DZANK1: variants seen among roughly 807,000 people sequenced by gnomAD.
The protein encoded by DZANK1 is double zinc ribbon and ankyrin repeat-containing protein 1.
In DZANK1, 91 loss-of-function variants were observed where a neutral mutation model predicts 94.5. The observed-to-expected ratio is 0.96, with a 90% CI of 0.81 to 1.15. DZANK1 has a LOEUF of 1.15. DZANK1 is among the 50% of genes most tolerant of loss of function. The pLI, the probability that DZANK1 is intolerant of heterozygous loss-of-function variation, is 0.00. For missense variants in DZANK1, 903 were observed against 916.4 expected, an observed-to-expected ratio of 0.99 and a Z score of 0.19; for synonymous variants, 312 against 325.3, an observed-to-expected ratio of 0.96 and a Z score of 0.44.
intron 8 of DZANK1, among the ~76,000 whole-genome samples, chr20:18,439,852 C>A (rs1456218260): frequency 6.6e-6 from 1 of 152,166 alleles, no homozygotes; most frequent in Non-Finnish European, 1.5e-5. Context: ...TCTGTATTCC[C>A]TGCTCCACAT....
intron 10 of DZANK1, chr20:18,420,345 AG>A: frequency 5.8e-6 from 1 of 172,418 alleles, no homozygotes; most frequent in Admixed American, 5.8e-5. Flanking sequence ...CAGGGTGGGT[AG>A]GGAGCATCCT....
chr20:18,464,436 C>T (rs545295240), intron 2 of DZANK1, among the ~76,000 whole-genome samples: 1 of 152,256 alleles, frequency 6.6e-6, no homozygotes, highest in Non-Finnish European at 1.5e-5. Flanking sequence ...CTCATACATA[C>T]ACGAACCTAT....
At chr20:18,457,814 T>C (rs1327303089) in intron 3 of DZANK1, among the ~76,000 whole-genome samples, 1 of 152,172 alleles carries the variant, frequency 6.6e-6, no homozygotes, top group Non-Finnish European at 1.5e-5. Flanking sequence ...TTGGGAAATA[T>C]CTTCTAGGCA....
intron 13 of DZANK1, among the ~76,000 whole-genome samples, chr20:18,405,142 G>T (rs940014825): frequency 2.8e-5 from 4 of 144,532 alleles, no homozygotes; most frequent in African/African-American, 1.0e-4. Flanking sequence ...ATTGCAGTGA[G>T]CTGTGATTTG....
At chr20:18,447,151 A>C (rs1157971694) in intron 7 of DZANK1, among the ~76,000 whole-genome samples, 1 of 152,174 alleles carries the variant, frequency 6.6e-6, no homozygotes, top group East Asian at 1.9e-4. Context: ...TTTAAAAAAG[A>C]AGCTCTCAGC....
chr20:18,391,103 A>C (rs531837131), intron 17 of DZANK1, among the ~76,000 whole-genome samples: 17 of 152,320 alleles, frequency 1.1e-4, no homozygotes, highest in African/African-American at 3.6e-4. Flanking sequence ...AGGCAGGAGA[A>C]TCGCTTGAAT....
At chr20:18,399,661 A>G (rs532317259) in intron 13 of DZANK1, among the ~76,000 whole-genome samples, 1 of 152,360 alleles carries the variant, frequency 6.6e-6, no homozygotes, top group East Asian at 1.9e-4. Context: ...TTTAAGACAC[A>G]TTTGAATTAG....
At chr20:18,410,669 G>T (rs2057207544) in intron 13 of DZANK1, among the ~76,000 whole-genome samples, 1 of 152,182 alleles carries the variant, frequency 6.6e-6, no homozygotes, top group Admixed American at 6.5e-5. Flanking sequence ...TCATGGTGCT[G>T]GACACAGGGG....
rs189464835 is a variant in DZANK1 at position 18,441,192 on chromosome 20, C to T, written c.747+2155G>A. 3.7e-4 allele frequency among the ~76,000 whole-genome samples: 56 copies of T among 152,252 alleles called. No homozygotes were observed. The East Asian group carries it at 7.0e-3, about 19-fold the overall frequency. On this transcript the variant is annotated intron_variant, in intron 8 of 20. Transcript: ENST00000262547. The surrounding 1 kb of genome is among the most constrained non-coding windows in gnomAD (Gnocchi z 4.1). ...TTCAAGATACTTGCTTCAATTGGCA[C>T]GTCATCACAATCAGCCACAGGTGAC...
At position 18,441,833 on chromosome 20, in the gene DZANK1, A is replaced by C. The variant is rs572276930; in HGVS notation, c.747+1514T>G. 6.6e-6 allele frequency among the ~76,000 whole-genome samples: 1 copy of C among 152,370 alleles called. No homozygotes were observed. The highest frequency in any genetic ancestry group is 1.9e-4 in the East Asian group (1 of 5,188). On this transcript the variant is annotated intron_variant, in intron 8 of 20. Coordinates refer to ENST00000262547, the Ensembl canonical transcript of DZANK1. The surrounding 1 kb of genome is among the most constrained non-coding windows in gnomAD (Gnocchi z 4.1). ...TGGAAAGTTGCTACTGGGATGCCCC[A>C]AAGACTATCTGGGAAGCTGGCTGGG...
exon 21 of DZANK1, chr20:18,383,495 G>C (rs531831154): frequency 6.6e-6 from 1 of 152,090 alleles, no homozygotes; most frequent in Non-Finnish European, 1.5e-5. Context: ...TAGTAATTAG[G>C]AGCCACTTAC....
intron 10 of DZANK1, 35 bp from the exon 11 acceptor site, chr20:18,415,484 G>A: frequency 1.5e-6 from 2 of 1,372,848 alleles, no homozygotes; most frequent in Non-Finnish European, 1.9e-6. Flanking sequence ...GGCAGGATCA[G>A]TACTATATTC....
chr20:18,420,619 C>T (rs760466998), intron 10 of DZANK1: 8 of 215,934 alleles, frequency 3.7e-5, no homozygotes, highest in Non-Finnish European at 7.9e-5. Flanking sequence ...GTGCTTCCAG[C>T]GGAGGATGCC....
At chr20:18,452,047 GA>G (rs1179252092) in intron 6 of DZANK1, 1 of 404,044 alleles carries the variant, frequency 2.5e-6, no homozygotes, top group African/African-American at 2.2e-5. Flanking sequence ...AACCATACCT[GA>G]CCGTTAGAAT....
rs1049149971 is a variant in DZANK1, at chr20:18,411,256, T to C, written c.1432+1390A>G. On this transcript the variant is annotated intron_variant, in intron 13 of 20. Transcript: ENST00000262547. ...TGAAATTGATAAACCTTTAGTAAGA[T>C]TGACCAAAAAAAGTGACATCTCAAG... Among the ~76,000 whole-genome samples, 4 of 152,138 alleles carry C rather than the reference T, an allele frequency of 2.6e-5. No homozygotes were observed. The South Asian group carries it at 6.2e-4, about 24-fold the overall frequency.
intron 9 of DZANK1, among the ~76,000 whole-genome samples, chr20:18,429,503 T>A (rs556578138): frequency 6.6e-6 from 1 of 152,318 alleles, no homozygotes; most frequent in East Asian, 1.9e-4. Flanking sequence ...GTATACCCTG[T>A]CCCACGCCAC....
At chr20:18,385,523 C>T (rs1434730402) in intron 19 of DZANK1, among the ~76,000 whole-genome samples, 1 of 151,862 alleles carries the variant, frequency 6.6e-6, no homozygotes, top group Non-Finnish European at 1.5e-5. Context: ...TCAAGCGATT[C>T]TCCTGCGTCA....
intron 19 of DZANK1, among the ~76,000 whole-genome samples, chr20:18,386,882 A>ACAAC (rs201199678): frequency 6.6e-6 from 1 of 152,240 alleles, no homozygotes; most frequent in African/African-American, 2.4e-5. Flanking sequence ...GCTTTCAGAA[A>ACAAC]AAACAGGTCA....
intron 7 of DZANK1, 47 bp downstream of exon 7, chr20:18,448,937 G>T (rs1413261934): frequency 3.0e-6 from 4 of 1,312,496 alleles, no homozygotes; most frequent in Non-Finnish European, 4.3e-6. Flanking sequence ...TGACCATGAT[G>T]TATCTTTGTA....
Sources: gnomAD v4.1 joint callset for allele counts (sites outside exome capture counted in the v4.1 genomes callset) on GRCh38, gnomAD v4.1.1 for gene constraint, Gnocchi (gnomAD v3.1) non-coding constraint, MANE v1.5 for transcripts, NCBI Gene and HGNC (gene_info 2026-07-23, HGNC 2026-07-21) for gene names.